The following CENPP variants were observed in gnomAD, a reference collection of about 807,000 sequenced individuals.
CENPP encodes the protein centromere protein P.
In CENPP, 24 loss-of-function variants were observed where a neutral mutation model predicts 35.6. The observed-to-expected ratio is 0.67, with a 90% confidence interval of 0.49 to 0.95. CENPP has a LOEUF of 0.95. Among genes scored for constraint, CENPP ranks in the 40% least tolerant of loss-of-function variants. The pLI is 0.00. For synonymous variants in CENPP, 120 were observed against 125.5 expected (o/e 0.96, Z 0.29); for missense variants, 332 against 345.3 (o/e 0.96, Z 0.31).
chr9:92,496,352 T>C (rs200233948), intron 5 of CENPP: 1 of 1,602,882 alleles, frequency 6.2e-7, no homozygotes, highest in East Asian at 2.3e-5. Context: ...GATACTTGAG[T>C]ATGATCTTAT....
chr9:92,326,181 T>C, intron 1 of CENPP, 76 bp downstream of exon 1: 2 of 880,080 alleles, frequency 2.3e-6, no homozygotes, highest in East Asian at 2.8e-5. Context: ...TCCACAGACA[T>C]CCTCGGTCTC....
At chr9:92,342,638 G>A (rs72750501) in intron 3 of CENPP, among the ~76,000 whole-genome samples, 2 of 152,184 alleles carry the variant, frequency 1.3e-5, no homozygotes, top group Non-Finnish European at 2.9e-5. Context: ...AAATTACAGA[G>A]AGCTGTGGAA....
intron 5 of CENPP, among the ~76,000 whole-genome samples, chr9:92,442,712 G>T (rs144895193): frequency 0.025 from 3,844 of 152,014 alleles, 73 homozygotes; most frequent in Non-Finnish European, 0.038. Flanking sequence ...AGCCAGGCGT[G>T]GTGGTGGGTG....
chr9:92,418,244 G>A (rs10992330), intron 5 of CENPP, among the ~76,000 whole-genome samples: 8,767 of 151,824 alleles, frequency 0.058, 897 homozygotes, highest in East Asian at 0.43. Context: ...GTGCCACCAC[G>A]CTTGGCTAAT....
At chr9:92,440,915 C>T (rs567261809) in intron 5 of CENPP, among the ~76,000 whole-genome samples, 3 of 152,176 alleles carry the variant, frequency 2.0e-5, no homozygotes, top group Admixed American at 6.5e-5. Flanking sequence ...TTTGAAACTG[C>T]GACTTTAAGT....
At chr9:92,473,380 C>T (rs1183987773) in intron 5 of CENPP, among the ~76,000 whole-genome samples, 1 of 152,160 alleles carries the variant, frequency 6.6e-6, no homozygotes, top group Non-Finnish European at 1.5e-5. Context: ...AGCAGATACA[C>T]ATATTTTTAT....
intron 5 of CENPP, among the ~76,000 whole-genome samples, chr9:92,432,856 TGAG>T (rs1021776113): frequency 6.6e-6 from 1 of 152,154 alleles, no homozygotes; most frequent in Non-Finnish European, 1.5e-5. Context: ...TTTTTGTTGT[TGAG>T]GAGGTGCATA....
At chr9:92,394,292 G>C (rs1221512792) in intron 5 of CENPP, among the ~76,000 whole-genome samples, 2 of 151,928 alleles carry the variant, frequency 1.3e-5, no homozygotes, top group Non-Finnish European at 2.9e-5. Flanking sequence ...GCTCATGCTG[G>C]AGTGTGGTGG....
intron 5 of CENPP, among the ~76,000 whole-genome samples, chr9:92,568,927 G>A (rs1223556225): frequency 6.6e-6 from 1 of 151,940 alleles, no homozygotes. Flanking sequence ...CTTTTTGATG[G>A]GGTTGTTTTT....
At chr9:92,369,535 G>T (rs1049720846) in intron 4 of CENPP, among the ~76,000 whole-genome samples, 1 of 152,174 alleles carries the variant, frequency 6.6e-6, no homozygotes, top group Non-Finnish European at 1.5e-5. Context: ...CTAGAGATTG[G>T]CTAGGATTGC....
chr9:92,386,086 G>T, intron 5 of CENPP: 2 of 747,424 alleles, frequency 2.7e-6, no homozygotes, highest in Non-Finnish European at 4.6e-6. Flanking sequence ...TAGCTATCAC[G>T]CTACTACAGT....
chr9:92,386,245 C>T (rs372290661), intron 5 of CENPP: 40 of 1,613,378 alleles, frequency 2.5e-5, no homozygotes, highest in Non-Finnish European at 3.1e-5. Context: ...TTAAGAGGCA[C>T]GGATTCCAGG....
intron 5 of CENPP, chr9:92,505,713 A>AT: frequency 6.6e-7 from 1 of 1,525,872 alleles, no homozygotes; most frequent in Non-Finnish European, 8.8e-7. Flanking sequence ...AAAGTATTAG[A>AT]ATATTAGGAT....
chr9:92,451,575 T>C (rs541622189), intron 5 of CENPP, among the ~76,000 whole-genome samples: 27 of 152,330 alleles, frequency 1.8e-4, no homozygotes, highest in African/African-American at 6.3e-4. Flanking sequence ...GACTTGGCGA[T>C]GCGGGCTCTT....
At chr9:92,441,488 G>T (rs1487124146) in intron 5 of CENPP, among the ~76,000 whole-genome samples, 1 of 152,194 alleles carries the variant, frequency 6.6e-6, no homozygotes. Flanking sequence ...GCCAGGTGCA[G>T]TGGCTCACAC....
chr9:92,404,812 C>A, intron 5 of CENPP: 1 of 317,374 alleles, frequency 3.2e-6, no homozygotes, highest in Non-Finnish European at 5.1e-6. Flanking sequence ...AATAAACATT[C>A]ATGTTTTGGT....
intron 5 of CENPP, among the ~76,000 whole-genome samples, chr9:92,497,171 CT>C (rs1450737271): frequency 6.6e-6 from 1 of 152,164 alleles, no homozygotes; most frequent in South Asian, 2.1e-4. Flanking sequence ...ACAAACTTAT[CT>C]TTTGTGGCAT....
At chr9:92,578,149 A>G (rs1306213308) in intron 5 of CENPP, among the ~76,000 whole-genome samples, 2 of 151,986 alleles carry the variant, frequency 1.3e-5, no homozygotes, top group Non-Finnish European at 2.9e-5. Flanking sequence ...TTATGGCTGC[A>G]TAGTATTCCA....
intron 4 of CENPP, among the ~76,000 whole-genome samples, chr9:92,374,241 CTGTGTGTGTGTG>C (rs10569730): frequency 1.4e-3 from 204 of 142,852 alleles, no homozygotes; most frequent in African/African-American, 4.8e-3. Flanking sequence ...TTGCTGTTTG[CTGTGTGTGTGTG>C]TGTGTGTGTG....
Sources: allele counts gnomAD v4.1 joint callset (sites outside exome capture counted in the v4.1 genomes callset), GRCh38; gene constraint gnomAD v4.1.1; transcripts MANE v1.5; gene names NCBI Gene and HGNC (gene_info 2026-07-23, HGNC 2026-07-21).